Variants in CDHR2 observed in about 807,000 individuals in gnomAD.
CDHR2 encodes cadherin related family member 2.
In CDHR2, 104 loss-of-function variants were observed where a neutral mutation model predicts 138.6. The observed-to-expected ratio is 0.75, with a 90% CI of 0.64 to 0.88. The LOEUF (loss-of-function observed/expected upper bound fraction) is 0.88, where lower values mean the gene tolerates loss of function less well. Among genes scored for constraint, CDHR2 ranks in the 40% least tolerant of loss-of-function variants. CDHR2 has a pLI of 0.00. For missense variants in CDHR2, 1,624 were observed against 1,727.6 expected (o/e 0.94, Z 1.06); for synonymous variants, 755 against 742.8 (o/e 1.02, Z -0.27).
At chr5:176,588,228 G>T (rs1382450818) in intron 21 of CDHR2, among the ~76,000 whole-genome samples, 1 of 152,264 alleles carries the variant, frequency 6.6e-6, no homozygotes, top group East Asian at 1.9e-4. Context: ...AAGTGTGAAT[G>T]TGTGTGCCTG....
chr5:176,594,998 C>T (rs1380924725), intron 31 of CDHR2, among the ~76,000 whole-genome samples: 2 of 152,200 alleles, frequency 1.3e-5, no homozygotes, highest in African/African-American at 4.8e-5. Flanking sequence ...CAAATTCAAC[C>T]AGGGCAGTGT....
chr5:176,558,763 G>A (rs566145481), intron 1 of CDHR2, among the ~76,000 whole-genome samples: 6 of 150,160 alleles, frequency 4.0e-5, no homozygotes, highest in Non-Finnish European at 5.9e-5. Context: ...CTTGTGATCC[G>A]CCCACCTCGG....
At chr5:176,572,587 G>C (rs993979902) in intron 6 of CDHR2, among the ~76,000 whole-genome samples, 2 of 152,100 alleles carry the variant, frequency 1.3e-5, no homozygotes, top group African/African-American at 4.8e-5. Flanking sequence ...GGTCTGCATC[G>C]TGGGCCTTCC....
downstream of CDHR2, chr5:176,595,827 T>C (rs1759020054): frequency 6.8e-6 from 5 of 734,374 alleles, no homozygotes; most frequent in East Asian, 1.3e-4. Flanking sequence ...ATTACCAATG[T>C]ATACTGTGAC....
intron 18 of CDHR2, 63 bp downstream of exon 18, chr5:176,584,322 G>A (rs1169707965): frequency 1.2e-6 from 2 of 1,613,324 alleles, no homozygotes; most frequent in Non-Finnish European, 1.7e-6. Flanking sequence ...TTGTCAGGGT[G>A]GACCTCGAGT....
At chr5:176,566,816 G>A in intron 3 of CDHR2, 1 of 408,226 alleles carries the variant, frequency 2.4e-6, no homozygotes, top group East Asian at 7.3e-5. Flanking sequence ...ACGCCTAGCT[G>A]CAAGGGAACC....
chr5:176,566,001 G>A (rs2113279816), intron 3 of CDHR2, among the ~76,000 whole-genome samples: 1 of 152,026 alleles, frequency 6.6e-6, no homozygotes, highest in South Asian at 2.1e-4. Context: ...CTCCCCCATT[G>A]CCCATCGCTT....
intron 24 of CDHR2, 125 bp downstream of exon 24, chr5:176,589,741 C>A: frequency 1.2e-6 from 1 of 830,892 alleles, no homozygotes; most frequent in Non-Finnish European, 2.0e-6. Flanking sequence ...TTGTCCCTGT[C>A]TTCAACCCTG....
rs376256866 is a variant in CDHR2, at chr5:176,575,779, C to T, written c.900C>T (p.Asn300=). 497 of 1,563,584 alleles carry T rather than the reference C, an allele frequency of 3.2e-4. No homozygotes were observed. The highest frequency in any genetic ancestry group is 1.2e-3 in the Middle Eastern group (7 of 6,014). The change falls in exon 11 of 32, where the codon AAC becomes AAT. Residue 300 remains asparagine (N), a synonymous_variant. Coordinates refer to ENST00000261944, the MANE Select transcript of CDHR2 (RefSeq NM_017675.6). ...GGGCAGATGGGGTGATCAGGGTCAA[C>T]GGCTCCCTGGACCGTGAGCAGCTGC... The part of the protein sequence containing the change: ...DIGADGVIRV[N]GSLDREQLLE...
At chr5:176,587,138 G>A (rs561439632) in intron 21 of CDHR2, among the ~76,000 whole-genome samples, 1 of 152,316 alleles carries the variant, frequency 6.6e-6, no homozygotes, top group Admixed American at 6.5e-5. Flanking sequence ...TTAAGCCAGT[G>A]CCTTGTCATT....
At chr5:176,547,442 C>T (rs996437739), upstream of CDHR2, 1 of 152,118 alleles carries the variant, frequency 6.6e-6, no homozygotes, top group African/African-American at 2.4e-5. Flanking sequence ...GAGAGAGAAG[C>T]TCTTGTTGTC....
upstream of CDHR2, among the ~76,000 whole-genome samples, chr5:176,544,685 G>T (rs1040299405): frequency 2.6e-5 from 4 of 152,128 alleles, no homozygotes; most frequent in Non-Finnish European, 5.9e-5. Flanking sequence ...TGATCCGCCC[G>T]CCTCGGCCTC....
At chr5:176,548,334 T>A (rs1581126461), upstream of CDHR2, among the ~76,000 whole-genome samples, 3 of 152,238 alleles carry the variant, frequency 2.0e-5, no homozygotes, top group East Asian at 5.8e-4. Context: ...CTTAAGAAAG[T>A]TGTGCCCAGG....
At chr5:176,573,045 G>A (rs1021908239) in intron 6 of CDHR2, among the ~76,000 whole-genome samples, 1 of 152,200 alleles carries the variant, frequency 6.6e-6, no homozygotes, top group African/African-American at 2.4e-5. Context: ...TCTGAGTTGA[G>A]GGCATCTGAA....
chr5:176,585,553 G>A (rs1403043531), intron 19 of CDHR2, among the ~76,000 whole-genome samples: 2 of 152,222 alleles, frequency 1.3e-5, no homozygotes, highest in South Asian at 4.1e-4. Flanking sequence ...AGCTTATATA[G>A]TTAGAATGTG....
chr5:176,592,510 T>C (rs1467044794), intron 30 of CDHR2, among the ~76,000 whole-genome samples: 1 of 144,116 alleles, frequency 6.9e-6, no homozygotes, highest in African/African-American at 2.6e-5. Context: ...ATAGTGATTA[T>C]GATGATAGTG....
intron 1 of CDHR2, 32 bp from the exon 2 acceptor site, chr5:176,565,306 T>C (rs1194097729): frequency 6.5e-7 from 1 of 1,546,620 alleles, no homozygotes; most frequent in Non-Finnish European, 8.9e-7. Context: ...GAGGCCTGAG[T>C]CCAGGAGCCA....
Position 176,584,858 on chromosome 5 carries a change from C to T in CDHR2, c.2577C>T (p.Gly859=), listed in dbSNP as rs1758622618. The T allele has an allele frequency of 6.2e-7, 1 of 1,614,190 alleles. No individual in the cohort carries two copies. Among genetic ancestry groups the T allele is most frequent in the Non-Finnish European group, 8.5e-7 (1 of 1,180,030 alleles). The part of the protein sequence containing the change: ...ILCTKAGVDV[G]SLCWGWFSVA... ...GCACCAAGGCCGGGGTCGATGTGGG[C>T]AGCCTATGCTGGGGCTGGTTCTCAG... The change falls in exon 19 of 32, where the codon GGC becomes GGT. Residue 859 remains glycine, a synonymous_variant. Transcript: ENST00000261944.
In CDHR2 at chr5:176,591,439, T is replaced by G. The variant is rs1758840757; in HGVS notation, c.3689T>G (p.Leu1230Arg). 1.2e-6 allele frequency: 2 copies of G among 1,613,886 alleles called. No individual in the cohort carries two copies. The highest frequency in any genetic ancestry group is 2.2e-5 in the South Asian group (2 of 91,088). ...NPMLNLPNKDLGLEYLSPSND... is the reference protein window; with the variant it reads ...NPMLNLPNKDRGLEYLSPSND... ...ATGCTGAACCTCCCCAACAAAGACC[T>G]GGGCTTGGAGTACCTCTCTCCCTCC... Residue 1230 changes from leucine to arginine, a missense_variant, in exon 30 of 32, where the codon CTG becomes CGG. Physicochemically the swap from Leu to Arg is moderately radical, Grantham distance 102. Coordinates refer to ENST00000261944, the MANE Select transcript of CDHR2 (RefSeq NM_017675.6).
Sources: gnomAD v4.1 joint callset for allele counts (sites outside exome capture counted in the v4.1 genomes callset) on GRCh38, gnomAD v4.1.1 for gene constraint, MANE v1.5 for transcripts, NCBI Gene and HGNC (gene_info 2026-07-23, HGNC 2026-07-21) for gene names.